Variants in OSBPL10 observed in about 807,000 individuals in gnomAD.
OSBPL10 encodes oxysterol binding protein like 10.
A neutral mutation model predicts 81.7 loss-of-function variants in OSBPL10; 49 were observed. The observed-to-expected ratio is 0.60, with a 90% CI of 0.48 to 0.76. The LOEUF is 0.76. Ranked by LOEUF, OSBPL10 falls within the 30% of genes least tolerant of loss-of-function variation. The pLI is 0.00. For missense variants in OSBPL10, 923 were observed against 987.8 expected (o/e 0.93, Z 0.88); for synonymous variants, 419 against 383.6 (o/e 1.09, Z -1.08).
Position 32,044,513 on chromosome 3 carries a change from G to A in OSBPL10, n.298+1978C>T, listed in dbSNP as rs12172934. On this transcript the variant is annotated intron_variant and non_coding_transcript_variant, in intron 2 of 3. Coordinates refer to the OSBPL10 transcript ENST00000479173. ...TCCCAGCACTTTGGGAGGCCAAGGC[G>A]GGCAGATCACTTGAGCTCGGGAGTT... Among the ~76,000 whole-genome samples the A allele has an allele frequency of 5.5e-3, 830 of 151,284 alleles. 22 individuals are homozygous for A. In the East Asian group the frequency reaches 0.089, roughly 16 times the overall value.
intron 1 of OSBPL10, among the ~76,000 whole-genome samples, chr3:31,952,481 G>A (rs1277370051): frequency 1.3e-5 from 2 of 152,188 alleles, no homozygotes; most frequent in South Asian, 2.1e-4. Flanking sequence ...CCACTGCTGT[G>A]CATCTTCTTC....
At chr3:31,832,118 C>T (rs1427806345) in intron 3 of OSBPL10, among the ~76,000 whole-genome samples, 1 of 152,160 alleles carries the variant, frequency 6.6e-6, no homozygotes, top group Non-Finnish European at 1.5e-5. Context: ...TGAAGGAAGG[C>T]ACATAATTGA....
chr3:32,014,020 G>A (rs1323774662), intron 2 of OSBPL10, among the ~76,000 whole-genome samples: 2 of 152,084 alleles, frequency 1.3e-5, no homozygotes, highest in African/African-American at 2.4e-5. Flanking sequence ...AGAGGTACAA[G>A]GAGGAGCTGG....
intron 1 of OSBPL10, among the ~76,000 whole-genome samples, chr3:32,066,917 C>T (rs1310258700): frequency 1.3e-5 from 2 of 152,168 alleles, no homozygotes; most frequent in Non-Finnish European, 2.9e-5. Flanking sequence ...AGTTGTTTAT[C>T]TGATCTTCTA....
chr3:31,955,347 G>A (rs1260301521), intron 1 of OSBPL10, among the ~76,000 whole-genome samples: 1 of 152,170 alleles, frequency 6.6e-6, no homozygotes, highest in African/African-American at 2.4e-5. Context: ...TCAGAATGGT[G>A]CAGGAACTTA....
chr3:31,699,880 A>G (rs1312113878), intron 7 of OSBPL10, among the ~76,000 whole-genome samples: 1 of 152,244 alleles, frequency 6.6e-6, no homozygotes, highest in East Asian at 1.9e-4. Context: ...TTTTCTCTCC[A>G]GGGTGCCTGC....
chr3:31,873,156 G>A (rs4532170), intron 3 of OSBPL10, among the ~76,000 whole-genome samples: 2 of 151,768 alleles, frequency 1.3e-5, no homozygotes, highest in African/African-American at 4.8e-5. Flanking sequence ...TCAAAACTCA[G>A]TGAACTTTAC....
intron 2 of OSBPL10, among the ~76,000 whole-genome samples, chr3:31,992,177 G>C (rs910722569): frequency 4.0e-5 from 6 of 151,844 alleles, no homozygotes; most frequent in Non-Finnish European, 8.8e-5. Context: ...TGTCAGTGTG[G>C]TGTAGGCAAA....
chr3:31,663,070 C>T, intron 11 of OSBPL10: 1 of 985,416 alleles, frequency 1.0e-6, no homozygotes, highest in Non-Finnish European at 1.2e-6. Context: ...ACCATGAATC[C>T]ACCCCAGTTA....
intron 1 of OSBPL10, among the ~76,000 whole-genome samples, chr3:31,894,246 AAGT>A (rs1249546665): frequency 6.6e-6 from 1 of 152,220 alleles, no homozygotes; most frequent in Non-Finnish European, 1.5e-5. Context: ...ATCTGCAAAT[AAGT>A]AGAAATTGAG....
At chr3:31,849,514 C>A (rs1700708442) in intron 3 of OSBPL10, among the ~76,000 whole-genome samples, 1 of 152,100 alleles carries the variant, frequency 6.6e-6, no homozygotes, top group Non-Finnish European at 1.5e-5. Context: ...AATTCTAGGT[C>A]TAGAATCCTA....
At chr3:31,730,708 G>A (rs1368713392) in intron 6 of OSBPL10, among the ~76,000 whole-genome samples, 1 of 152,322 alleles carries the variant, frequency 6.6e-6, no homozygotes, top group African/African-American at 2.4e-5. Flanking sequence ...TTATTCTGCA[G>A]GGAATTAAAC....
At chr3:32,066,007 G>A (rs866180210) in intron 1 of OSBPL10, among the ~76,000 whole-genome samples, 14 of 46,174 alleles carry the variant, frequency 3.0e-4, no homozygotes, top group African/African-American at 6.1e-4. Flanking sequence ...AAGAAAGAAA[G>A]AGAAAGAAAG....
chr3:32,066,992 G>A (rs1323164244), intron 1 of OSBPL10, among the ~76,000 whole-genome samples: 1 of 152,082 alleles, frequency 6.6e-6, no homozygotes. Context: ...TGATAACGAG[G>A]CTCCTTCTGC....
At chr3:31,698,016 C>T (rs78986465) in intron 7 of OSBPL10, among the ~76,000 whole-genome samples, 34,694 of 151,664 alleles carry the variant, frequency 0.23, 4,796 homozygotes, top group East Asian at 0.57. Flanking sequence ...CCCACCTCGG[C>T]CTCCCAAAGT....
At position 31,661,961 on chromosome 3, in the gene OSBPL10, T is replaced by G; in HGVS notation, c.*111A>C. 1 of 1,433,876 alleles carries G rather than the reference T, an allele frequency of 7.0e-7. No individual in the cohort carries two copies. Among genetic ancestry groups the G allele is most frequent in the Non-Finnish European group, 9.5e-7 (1 of 1,050,154 alleles). 88.8% of individuals were successfully genotyped at this position (1,433,876 alleles called of 1,614,324 possible). ...TAATTTCTCTCTCTCTCATCATTTC[T>G]TGGATGCTAATACAAGGTCTCAGTG... On this transcript the variant is annotated 3_prime_UTR_variant, in exon 12 of 12. Coordinates refer to ENST00000396556, the MANE Select transcript of OSBPL10 (RefSeq NM_017784.5).
intron 1 of OSBPL10, among the ~76,000 whole-genome samples, chr3:31,973,390 C>T (rs1698614985): frequency 6.6e-6 from 1 of 152,226 alleles, no homozygotes; most frequent in African/African-American, 2.4e-5. Flanking sequence ...GAAAGCTAGT[C>T]ACTAGTCTAT....
At chr3:31,748,373 T>C (rs1034197834) in intron 4 of OSBPL10, among the ~76,000 whole-genome samples, 3 of 152,194 alleles carry the variant, frequency 2.0e-5, no homozygotes, top group African/African-American at 7.2e-5. Context: ...CATCTGGGTA[T>C]ATCATTTTAC....
chr3:31,726,944 A>T (rs1020920814), intron 6 of OSBPL10, among the ~76,000 whole-genome samples: 1 of 151,938 alleles, frequency 6.6e-6, no homozygotes, highest in East Asian at 1.9e-4. Context: ...CCCAGGCTCA[A>T]GGAATCCTCT....
Sources: gnomAD v4.1 joint callset for allele counts (sites outside exome capture counted in the v4.1 genomes callset) on GRCh38, gnomAD v4.1.1 for gene constraint, MANE v1.5 for transcripts, NCBI Gene and HGNC (gene_info 2026-07-23, HGNC 2026-07-21) for gene names.